STXBP5: variants seen among roughly 807,000 people sequenced by gnomAD.
STXBP5 encodes syntaxin binding protein 5.
STXBP5 carries 50 observed loss-of-function variants against 152.4 expected under a neutral mutation model. The observed-to-expected ratio is 0.33, with a 90% CI of 0.26 to 0.42. STXBP5 has a LOEUF of 0.42. Among genes scored for constraint, STXBP5 ranks in the 10% least tolerant of loss-of-function variants. STXBP5 has a pLI of 1.00. For synonymous variants in STXBP5, 492 were observed against 494.7 expected (o/e 0.99, Z 0.07); for missense variants, 1,167 against 1,388.6 (o/e 0.84, Z 2.54).
At chr6:147,328,591 G>T in intron 18 of STXBP5, 11 of 321,480 alleles carry the variant, frequency 3.4e-5, no homozygotes, top group South Asian at 5.2e-5. Flanking sequence ...TTTTTTTAAT[G>T]TGATCATTTT....
chr6:147,295,032 T>C (rs1284266160), intron 9 of STXBP5, among the ~76,000 whole-genome samples: 1 of 152,344 alleles, frequency 6.6e-6, no homozygotes, highest in East Asian at 1.9e-4. Flanking sequence ...CTAACCTCGC[T>C]GACCTTTTTA....
At chr6:147,356,809 T>C (rs1349563197) in intron 22 of STXBP5, among the ~76,000 whole-genome samples, 2 of 152,168 alleles carry the variant, frequency 1.3e-5, no homozygotes, top group African/African-American at 4.8e-5. Context: ...CAACTTAGAA[T>C]TTAACATGTT....
chr6:147,296,082 CTG>C (rs1002695800), intron 9 of STXBP5, among the ~76,000 whole-genome samples: 7 of 152,154 alleles, frequency 4.6e-5, no homozygotes, highest in African/African-American at 1.7e-4. Context: ...ACAGATGGTC[CTG>C]TACAATGAGG....
rs1312784104 is a variant in STXBP5, at chr6:147,341,020, AT to A, written c.2254+1641del. The stretch of plus-strand genomic sequence containing the variant: ...TTTGGTAGTACAGTTATGCATAATT[AT>A]TTTTAAACCTCAGGAAGCATTGTTA... On this transcript the variant is annotated intron_variant, in intron 21 of 27. Transcript: ENST00000321680. 3.3e-5 allele frequency among the ~76,000 whole-genome samples: 5 copies of A among 152,076 alleles called. No individual in the cohort carries two copies. The East Asian group carries it at 9.6e-4, about 29-fold the overall frequency.
chr6:147,311,679 CT>C, intron 11 of STXBP5, 152 bp downstream of exon 11: 2 of 555,052 alleles, frequency 3.6e-6, no homozygotes, highest in Non-Finnish European at 6.2e-6. Flanking sequence ...CACATATCTA[CT>C]TACTCAAATT....
intron 18 of STXBP5, chr6:147,328,693 A>G: frequency 2.1e-6 from 1 of 470,060 alleles, no homozygotes; most frequent in Non-Finnish European, 4.4e-6. Context: ...TCATTGCTTC[A>G]CTAAGGTGTG....
At position 147,204,636 on chromosome 6, in the gene STXBP5, C is replaced by T. The variant is rs775253842; in HGVS notation, c.104C>T (p.Pro35Leu). 1.2e-6 allele frequency: 2 copies of T among 1,610,540 alleles called. No individual in the cohort carries two copies. Among genetic ancestry groups the T allele is most frequent in the East Asian group, 2.3e-5 (1 of 44,240 alleles). The change falls in exon 1 of 28, where the codon CCG becomes CTG. Residue 35 changes from proline (P) to leucine (L), a missense_variant. Physicochemically the swap from Pro to Leu is moderately conservative, Grantham distance 98. This residue lies in a region of STXBP5 where 310 missense variants were observed against 346.1 expected (regional missense o/e 0.90). Coordinates refer to ENST00000321680, the MANE Select transcript of STXBP5 (RefSeq NM_001127715.4). This position sits in a 1 kb window ranked among gnomAD's most constrained non-coding sequence, Gnocchi z 4.3. ...CAGCATCCGCCTGGGAACCGGGAGC[C>T]GGAGATCCAGGAAACGCTCCAGTCC... The part of the protein sequence containing the change: ...QQQHPPGNRE[P>L]EIQETLQSEH...
intron 25 of STXBP5, among the ~76,000 whole-genome samples, chr6:147,372,643 C>A (rs930962371): frequency 3.3e-5 from 5 of 151,642 alleles, no homozygotes; most frequent in African/African-American, 1.2e-4. Flanking sequence ...CCATGTTGGT[C>A]AGGCTGGTCT....
At chr6:147,359,820 A>G (rs1259974085) in intron 23 of STXBP5, among the ~76,000 whole-genome samples, 2 of 151,978 alleles carry the variant, frequency 1.3e-5, no homozygotes, top group Non-Finnish European at 2.9e-5. Context: ...ATAGTATTCC[A>G]TGGTGTATAT....
At chr6:147,357,848 A>G (rs2128410692) in intron 22 of STXBP5, among the ~76,000 whole-genome samples, 1 of 152,162 alleles carries the variant, frequency 6.6e-6, no homozygotes, top group South Asian at 2.1e-4. Context: ...GGTTTGGGGG[A>G]AATTATATGG....
chr6:147,314,792 T>G (rs188577200), intron 14 of STXBP5, among the ~76,000 whole-genome samples, 156 bp downstream of exon 14: 1 of 152,272 alleles, frequency 6.6e-6, no homozygotes, highest in Admixed American at 6.5e-5. Context: ...TTAGAATTTT[T>G]AATATAGTCT....
intron 4 of STXBP5, 148 bp downstream of exon 4, chr6:147,239,418 A>G: frequency 6.4e-6 from 4 of 622,072 alleles, no homozygotes; most frequent in South Asian, 6.0e-5. Flanking sequence ...TAAAAGCAAG[A>G]TTCCTTCTTT....
At chr6:147,276,527 C>T (rs1409998683) in intron 7 of STXBP5, among the ~76,000 whole-genome samples, 2 of 152,046 alleles carry the variant, frequency 1.3e-5, no homozygotes, top group Non-Finnish European at 2.9e-5. Flanking sequence ...ACATGATATA[C>T]ATTTATACAT....
intron 7 of STXBP5, among the ~76,000 whole-genome samples, chr6:147,270,085 TAC>T (rs1219210146): frequency 1.3e-5 from 2 of 151,944 alleles, no homozygotes; most frequent in East Asian, 3.9e-4. Context: ...CCACATTAAG[TAC>T]AGGGGAGCAA....
At chr6:147,322,847 T>C (rs992919115) in intron 16 of STXBP5, among the ~76,000 whole-genome samples, 3 of 152,160 alleles carry the variant, frequency 2.0e-5, no homozygotes, top group African/African-American at 7.2e-5. Context: ...GTATAGCAGG[T>C]ATTGTTTCAG....
intron 4 of STXBP5, among the ~76,000 whole-genome samples, chr6:147,253,608 AG>A (rs1465110868): frequency 2.6e-4 from 39 of 152,336 alleles, no homozygotes; most frequent in African/African-American, 8.7e-4. Context: ...GCAAAGTTTC[AG>A]GATACAAAAT....
At chr6:147,311,420 T>C in intron 10 of STXBP5, 35 bp from the exon 11 acceptor site, 1 of 1,585,036 alleles carries the variant, frequency 6.3e-7, no homozygotes, top group Non-Finnish European at 8.6e-7. Context: ...CACTTGCATT[T>C]TTGAAACTAT....
At chr6:147,321,050 G>A (rs1391429254) in intron 16 of STXBP5, among the ~76,000 whole-genome samples, 1 of 152,100 alleles carries the variant, frequency 6.6e-6, no homozygotes, top group East Asian at 1.9e-4. Context: ...TATTGTACAA[G>A]CTAGTGAAAG....
Position 147,376,511 on chromosome 6 carries a change from G to T in STXBP5, c.3193+2669G>T, listed in dbSNP as rs1490143617. 2.0e-5 allele frequency among the ~76,000 whole-genome samples: 3 copies of T among 152,172 alleles called. No homozygotes were observed. The East Asian group carries it at 5.8e-4, about 29-fold the overall frequency. ...AATGTTTCAGCTAAAAGACAAAAAT[G>T]GTTAGACTGAATTTGAAAAGAAAAG... On this transcript the variant is annotated intron_variant, in intron 26 of 27. Coordinates refer to ENST00000321680, the MANE Select transcript of STXBP5 (RefSeq NM_001127715.4).
Sources: allele counts gnomAD v4.1 joint callset (sites outside exome capture counted in the v4.1 genomes callset), GRCh38; gene constraint gnomAD v4.1.1; regional missense constraint gnomAD v4.1.1; non-coding constraint Gnocchi (gnomAD v3.1); transcripts MANE v1.5; gene names NCBI Gene and HGNC (gene_info 2026-07-23, HGNC 2026-07-21).